CSMD1: variants seen among roughly 807,000 people sequenced by gnomAD.
The protein encoded by CSMD1 is CUB and sushi domain-containing protein 1.
CSMD1 carries 213 observed loss-of-function variants against 417.5 expected under a neutral mutation model. That is an observed-to-expected ratio of 0.51 (90% CI 0.46 to 0.57). CSMD1 has a LOEUF of 0.57. Ranked by LOEUF, CSMD1 falls within the 20% of genes least tolerant of loss-of-function variation. The pLI, the probability that CSMD1 is intolerant of heterozygous loss-of-function variation, is 0.00. For synonymous variants in CSMD1, 2,862 were observed against 1,736.8 expected, an observed-to-expected ratio of 1.65 and a Z score of -16.11; for missense variants, 6,923 against 4,529.7, an observed-to-expected ratio of 1.53 and a Z score of -15.17.
At chr8:4,191,433 C>G (rs1305865782) in intron 3 of CSMD1, among the ~76,000 whole-genome samples, 2 of 151,006 alleles carry the variant, frequency 1.3e-5, no homozygotes, top group African/African-American at 4.9e-5. Flanking sequence ...AAACAAAAAA[C>G]ACAAAAAACA....
chr8:3,975,535 G>A (rs984984465), intron 5 of CSMD1, among the ~76,000 whole-genome samples: 1 of 152,142 alleles, frequency 6.6e-6, no homozygotes, highest in African/African-American at 2.4e-5. Context: ...TGCTGCCATG[G>A]CTTCTCCCAC....
intron 2 of CSMD1, among the ~76,000 whole-genome samples, chr8:4,507,228 T>C (rs995764143): frequency 1.3e-5 from 2 of 152,194 alleles, no homozygotes; most frequent in Non-Finnish European, 2.9e-5. Context: ...AGATAGTAGA[T>C]ACCCATGCAA....
At chr8:4,075,513 G>C (rs1010129630) in intron 3 of CSMD1, among the ~76,000 whole-genome samples, 3 of 152,144 alleles carry the variant, frequency 2.0e-5, no homozygotes, top group Non-Finnish European at 4.4e-5. Flanking sequence ...CGTGGGAATT[G>C]ATAACTAAAA....
At chr8:4,240,168 T>G (rs1486960026) in intron 3 of CSMD1, among the ~76,000 whole-genome samples, 3 of 152,202 alleles carry the variant, frequency 2.0e-5, no homozygotes, top group Non-Finnish European at 4.4e-5. Flanking sequence ...GATTTCCAAA[T>G]AAACAAGGCC....
At chr8:3,664,939 C>A (rs975799994) in intron 7 of CSMD1, among the ~76,000 whole-genome samples, 1 of 151,958 alleles carries the variant, frequency 6.6e-6, no homozygotes, top group African/African-American at 2.4e-5. Flanking sequence ...TGTCTCTGTG[C>A]GTCAAAGATT....
At chr8:3,710,004 C>T (rs1032158065) in intron 6 of CSMD1, among the ~76,000 whole-genome samples, 4 of 151,772 alleles carry the variant, frequency 2.6e-5, no homozygotes, top group African/African-American at 9.7e-5. Context: ...TTTGGCTCCC[C>T]CAAAAACCTA....
At position 3,888,797 on chromosome 8, in the gene CSMD1, C is replaced by T. The variant is rs183883075; in HGVS notation, c.818+109106G>A. Among the ~76,000 whole-genome samples the T allele has an allele frequency of 3.3e-5, 5 of 152,160 alleles. No homozygotes were observed. The East Asian group carries it at 7.7e-4, about 24-fold the overall frequency. ...TCCATTTGGGTCCTTCCAAATAGCCCTTCTAAAATGAGCTAAGAAAGGTAC... is the reference window on the plus strand; with the variant it reads ...TCCATTTGGGTCCTTCCAAATAGCCTTTCTAAAATGAGCTAAGAAAGGTAC... On this transcript the variant is annotated intron_variant, in intron 5 of 69. Transcript: ENST00000635120.
chr8:3,198,480 T>C (rs1037205664), intron 33 of CSMD1, among the ~76,000 whole-genome samples: 14 of 152,228 alleles, frequency 9.2e-5, no homozygotes, highest in African/African-American at 3.4e-4. Context: ...GGTAATTATT[T>C]ACATTTTAAT....
intron 1 of CSMD1, among the ~76,000 whole-genome samples, chr8:4,753,407 A>C (rs979958779): frequency 3.5e-3 from 10 of 2,884 alleles, no homozygotes; most frequent in African/African-American, 7.7e-3. Flanking sequence ...CATAAACCAC[A>C]CACACACACA....
Position 3,237,724 on chromosome 8 carries a change from C to CTATAAGTATAATTTTTATAATTA in CSMD1, c.4154-7494_4154-7493insTAATTATAAAAATTATACTTATA, listed in dbSNP as rs1563171595. 2.2e-3 allele frequency among the ~76,000 whole-genome samples: 303 copies of CTATAAGTATAATTTTTATAATTA among 135,710 alleles called. 66 individuals carry two copies. Among genetic ancestry groups the CTATAAGTATAATTTTTATAATTA allele is most frequent in the East Asian group, 9.7e-3 (48 of 4,948 alleles). 89.0% of individuals were successfully genotyped at this position (135,710 alleles called of 152,430 possible). On this transcript the variant is annotated intron_variant, in intron 26 of 69. Transcript: ENST00000635120. ...TATAATTTTTATAATTATACTTATA[C>CTATAAGTATAATTTTTATAATTA]TACAAATATAATTTTTATAATTATA...
chr8:4,034,584 C>T (rs1055251373), intron 3 of CSMD1, among the ~76,000 whole-genome samples: 1 of 152,076 alleles, frequency 6.6e-6, no homozygotes, highest in Non-Finnish European at 1.5e-5. Context: ...ACTTTTGACT[C>T]AGAATGCCTT....
intron 5 of CSMD1, among the ~76,000 whole-genome samples, chr8:3,812,958 G>C (rs921912880): frequency 6.6e-6 from 1 of 152,102 alleles, no homozygotes; most frequent in African/African-American, 2.4e-5. Context: ...ATGGTAAAGG[G>C]AACAGGCAGT....
chr8:3,332,034 A>AATG (rs559999527), intron 23 of CSMD1, among the ~76,000 whole-genome samples: 1 of 152,244 alleles, frequency 6.6e-6, no homozygotes, highest in African/African-American at 2.4e-5. Flanking sequence ...ATATAGACAG[A>AATG]ATGATAATAG....
intron 2 of CSMD1, among the ~76,000 whole-genome samples, chr8:4,456,762 G>A (rs1242845380): frequency 7.2e-5 from 11 of 152,080 alleles, no homozygotes; most frequent in Admixed American, 7.2e-4. Context: ...ATCCTAGGGA[G>A]AAGACCCATC....
At chr8:3,893,063 T>C (rs2129128384) in intron 5 of CSMD1, among the ~76,000 whole-genome samples, 2 of 151,948 alleles carry the variant, frequency 1.3e-5, no homozygotes, top group East Asian at 3.9e-4. Context: ...TTTGACCAAG[T>C]ATGCTGGAGA....
intron 23 of CSMD1, among the ~76,000 whole-genome samples, chr8:3,319,824 T>C (rs1251642920): frequency 6.6e-6 from 1 of 152,216 alleles, no homozygotes; most frequent in African/African-American, 2.4e-5. Context: ...ATAATTTTAA[T>C]TTTCATTGTC....
intron 49 of CSMD1, among the ~76,000 whole-genome samples, chr8:3,059,726 T>C (rs1006131665): frequency 1.3e-5 from 2 of 149,298 alleles, no homozygotes; most frequent in Non-Finnish European, 3.0e-5. Flanking sequence ...GAGAGGAGAG[T>C]GGACTGGGGG....
intron 5 of CSMD1, among the ~76,000 whole-genome samples, chr8:3,779,463 A>G (rs1247084145): frequency 6.6e-6 from 1 of 152,184 alleles, no homozygotes; most frequent in East Asian, 1.9e-4. Flanking sequence ...AATTTTAGAC[A>G]TCTTAAAACA....
intron 2 of CSMD1, among the ~76,000 whole-genome samples, chr8:4,466,942 G>A (rs1201495362): frequency 6.6e-6 from 1 of 151,846 alleles, no homozygotes; most frequent in Non-Finnish European, 1.5e-5. Flanking sequence ...AGAATTTCCT[G>A]TGAACATTTC....
Sources: gnomAD v4.1 joint callset for allele counts (sites outside exome capture counted in the v4.1 genomes callset) on GRCh38, gnomAD v4.1.1 for gene constraint, MANE v1.5 for transcripts, NCBI Gene and HGNC (gene_info 2026-07-23, HGNC 2026-07-21) for gene names.